Variants in BMPR2 observed in about 807,000 individuals in gnomAD.
The protein encoded by BMPR2 is bone morphogenetic protein receptor type-2.
In BMPR2, 29 loss-of-function variants were observed where a neutral mutation model predicts 100.8. The observed-to-expected ratio is 0.29, with a 90% CI of 0.21 to 0.39. BMPR2 has a LOEUF of 0.39. Ranked by LOEUF, BMPR2 falls within the 10% of genes least tolerant of loss-of-function variation. The probability of loss-of-function intolerance (pLI) is 1.00; values close to 1 mark genes in which losing one functional copy is unlikely to be tolerated. For synonymous variants in BMPR2, 382 were observed against 442.3 expected (o/e 0.86, Z 1.71); for missense variants, 1,011 against 1,274.5 (o/e 0.79, Z 3.15).
At position 202,561,304 on chromosome 2, in the gene BMPR2, T is replaced by C. The variant is rs1423647925; in HGVS notation, c.*1358T>C. ...TTTTCATAATTTTTCCTTTTGCCAG[T>C]TTTTCACATTATCTTTGATATGTGA... On this transcript the variant is annotated 3_prime_UTR_variant, in exon 13 of 13. Coordinates refer to ENST00000374580, the MANE Select transcript of BMPR2 (RefSeq NM_001204.7). 1 of 152,164 alleles carries C rather than the reference T, an allele frequency of 6.6e-6. No individual in the cohort carries two copies. The highest frequency in any genetic ancestry group is 1.5e-5 in the Non-Finnish European group (1 of 67,994). 9.4% of individuals were successfully genotyped at this position (152,164 alleles called of 1,614,324 possible). A position where few individuals can be genotyped will look rare whatever the true frequency, so the allele number is the denominator to read the frequency against.
intron 9 of BMPR2, among the ~76,000 whole-genome samples, chr2:202,533,105 A>G (rs1478502568): frequency 6.6e-6 from 1 of 152,204 alleles, no homozygotes; most frequent in Non-Finnish European, 1.5e-5. Flanking sequence ...ATTAGAAGCA[A>G]TGAATTATTT....
chr2:202,532,223 G>A lies in BMPR2; in HGVS notation c.1129-362G>A, dbSNP rs180902222. On this transcript the variant is annotated intron_variant, in intron 8 of 12. Coordinates refer to ENST00000374580, the MANE Select transcript of BMPR2 (RefSeq NM_001204.7). The surrounding 1 kb of genome is among the most constrained non-coding windows in gnomAD (Gnocchi z 4.1). ...CCCAAAGTGCTAGGATTACAGGCAT[G>A]AGCCACTGCACCCGGCCACCCAGCT... 3.7e-4 allele frequency among the ~76,000 whole-genome samples: 57 copies of A among 152,108 alleles called. No homozygotes were observed. Among genetic ancestry groups the A allele is most frequent in the Admixed American group, 3.1e-3 (47 of 15,268 alleles).
intron 1 of BMPR2, among the ~76,000 whole-genome samples, chr2:202,379,123 T>C (rs1690217539): frequency 6.6e-6 from 1 of 152,212 alleles, no homozygotes; most frequent in Non-Finnish European, 1.5e-5. Context: ...TTGTAGTCTT[T>C]TTTTTCTTTG....
At position 202,513,715 on chromosome 2, in the gene BMPR2, T is replaced by C. The variant is rs1687662765; in HGVS notation, c.419-4T>C. ...ATGACATTTCAAAATTTGTTTTCTT[T>C]TAGGTCCACCTCATTCATTTAACCG... On this transcript the variant is annotated splice_polypyrimidine_tract_variant and splice_region_variant and intron_variant, in intron 3 of 12. Coordinates refer to ENST00000374580, the MANE Select transcript of BMPR2 (RefSeq NM_001204.7). The C allele has an allele frequency of 6.2e-7, 1 of 1,610,826 alleles. No individual in the cohort carries two copies. The highest frequency in any genetic ancestry group is 8.5e-7 in the Non-Finnish European group (1 of 1,177,584).
chr2:202,394,153 C>G (rs1690613497), intron 1 of BMPR2, among the ~76,000 whole-genome samples: 2 of 152,032 alleles, frequency 1.3e-5, no homozygotes, highest in Non-Finnish European at 2.9e-5. Context: ...AGTTCAAGAC[C>G]AGCCTGGCCA....
chr2:202,398,582 C>G (rs1175840823), intron 1 of BMPR2, among the ~76,000 whole-genome samples: 1 of 152,212 alleles, frequency 6.6e-6, no homozygotes, highest in Non-Finnish European at 1.5e-5. Flanking sequence ...AAGTTTGTAA[C>G]ACACTAAGAC....
At chr2:202,443,612 G>T (rs1159044168) in intron 1 of BMPR2, among the ~76,000 whole-genome samples, 1 of 149,274 alleles carries the variant, frequency 6.7e-6, no homozygotes, top group South Asian at 2.1e-4. Context: ...CACCCAGGCT[G>T]GAGTGCAGTG....
chr2:202,506,854 C>G (rs536283179), intron 3 of BMPR2, among the ~76,000 whole-genome samples: 9 of 151,928 alleles, frequency 5.9e-5, no homozygotes, highest in African/African-American at 1.9e-4. Context: ...GAGCTGAGAT[C>G]GCGCCACTGC....
chr2:202,556,338 G>A lies in BMPR2; in HGVS notation c.2673G>A (p.Arg891=). The change falls in exon 12 of 13, where the codon AGG becomes AGA. Residue 891 remains arginine (R), a synonymous_variant. Coordinates refer to ENST00000374580, the MANE Select transcript of BMPR2 (RefSeq NM_001204.7). ...TTCTGGATCGTCTTGTGGACAGGAGGGAACGGCCACTAGAAGGTGGCCGAA... is the reference window on the plus strand; with the variant it reads ...TTCTGGATCGTCTTGTGGACAGGAGAGAACGGCCACTAGAAGGTGGCCGAA... ...EGVLDRLVDR[R]ERPLEGGRTN... 1 of 1,614,176 alleles carries A rather than the reference G, an allele frequency of 6.2e-7. No individual in the cohort carries two copies. The highest frequency in any genetic ancestry group is 8.5e-7 in the Non-Finnish European group (1 of 1,180,034).
intron 1 of BMPR2, among the ~76,000 whole-genome samples, chr2:202,401,746 A>T (rs1344105311): frequency 6.6e-6 from 1 of 152,222 alleles, no homozygotes; most frequent in South Asian, 2.1e-4. Context: ...AGAAAGTTTC[A>T]GATTAAGGAA....
At chr2:202,554,360 G>A (rs1418155737) in intron 11 of BMPR2, among the ~76,000 whole-genome samples, 1 of 151,990 alleles carries the variant, frequency 6.6e-6, no homozygotes, top group Non-Finnish European at 1.5e-5. Flanking sequence ...TTCGCCTCCT[G>A]TGTCATTCGG....
chr2:202,406,265 T>C (rs1690888812), intron 1 of BMPR2, among the ~76,000 whole-genome samples: 1 of 152,210 alleles, frequency 6.6e-6, no homozygotes, highest in South Asian at 2.1e-4. Context: ...TTGCCTTCTT[T>C]CTGTGTTCCG....
rs114276725 is a variant in BMPR2, at chr2:202,541,637, G to A, written c.1277-674G>A. 2.0e-3 allele frequency among the ~76,000 whole-genome samples: 302 copies of A among 152,092 alleles called. 1 individual carries two copies. The highest frequency in any genetic ancestry group is 6.6e-3 in the African/African-American group (275 of 41,482). On this transcript the variant is annotated intron_variant, in intron 9 of 12. Coordinates refer to ENST00000374580, the MANE Select transcript of BMPR2 (RefSeq NM_001204.7). ...CTGGAGTTTTTCCTCATCTTTACCC[G>A]CCTCCATGGGATCAGTGTTCAGGCA...
At chr2:202,416,495 G>A (rs903272967) in intron 1 of BMPR2, among the ~76,000 whole-genome samples, 7 of 149,602 alleles carry the variant, frequency 4.7e-5, no homozygotes, top group African/African-American at 9.9e-5. Flanking sequence ...GTGCGATCTC[G>A]GCTCACTGCA....
intron 1 of BMPR2, among the ~76,000 whole-genome samples, chr2:202,388,064 T>G (rs1218549500): frequency 6.6e-6 from 1 of 152,126 alleles, no homozygotes; most frequent in Non-Finnish European, 1.5e-5. Flanking sequence ...CAGTTTAGTC[T>G]TTCACACCAA....
At chr2:202,490,955 C>CA (rs1692888687) in intron 3 of BMPR2, among the ~76,000 whole-genome samples, 1 of 151,976 alleles carries the variant, frequency 6.6e-6, no homozygotes, top group Admixed American at 6.6e-5. Context: ...TTTTTGGAGA[C>CA]AGAGTCTTCT....
At chr2:202,527,628 A>C (rs1327203313) in intron 7 of BMPR2, among the ~76,000 whole-genome samples, 1 of 150,314 alleles carries the variant, frequency 6.7e-6, no homozygotes, top group Non-Finnish European at 1.5e-5. Context: ...TACTAAAAAT[A>C]CAAAAAAAAT....
chr2:202,461,829 C>G (rs2105957144), intron 1 of BMPR2, among the ~76,000 whole-genome samples: 1 of 152,150 alleles, frequency 6.6e-6, no homozygotes, highest in East Asian at 1.9e-4. Context: ...AACATATCTG[C>G]ATAATTTATA....
intron 1 of BMPR2, among the ~76,000 whole-genome samples, chr2:202,412,288 A>G (rs1053380234): frequency 6.6e-6 from 1 of 152,218 alleles, no homozygotes. Context: ...CGAAATCACC[A>G]AAATCTATCA....
Sources: gnomAD v4.1 joint callset for allele counts (sites outside exome capture counted in the v4.1 genomes callset) on GRCh38, gnomAD v4.1.1 for gene constraint, Gnocchi (gnomAD v3.1) non-coding constraint, MANE v1.5 for transcripts, NCBI Gene and HGNC (gene_info 2026-07-23, HGNC 2026-07-21) for gene names.